PIP5K1B: variants seen among roughly 807,000 people sequenced by gnomAD.
PIP5K1B encodes phosphatidylinositol 4-phosphate 5-kinase type-1 beta.
In PIP5K1B, 42 loss-of-function variants were observed where a neutral mutation model predicts 67.0. The observed-to-expected ratio is 0.63, with a 90% CI of 0.49 to 0.81. The LOEUF is 0.81. Among genes scored for constraint, PIP5K1B ranks in the 30% least tolerant of loss-of-function variants. The probability of loss-of-function intolerance (pLI) is 0.00; values close to 1 mark genes in which losing one functional copy is unlikely to be tolerated. For missense variants in PIP5K1B, 459 were observed against 646.3 expected (o/e 0.71, Z 3.14); for synonymous variants, 214 against 231.4 (o/e 0.92, Z 0.68).
At position 68,894,522 on chromosome 9, in the gene PIP5K1B, G is replaced by C. The variant is rs144243008; in HGVS notation, c.655G>C (p.Glu219Gln). The stretch of plus-strand genomic sequence containing the variant: ...GCGAAGAGCATCCCGTAAAGAGAGA[G>C]AGAAATCCAACCCCACATTTAAGGA... ...YKRRASRKER[E>Q]KSNPTFKDLD... The change falls in exon 8 of 16, where the codon GAG becomes CAG. Residue 219 changes from glutamate to glutamine, a missense_variant. By Grantham distance (29) the Glu-to-Gln change is conservative. Coordinates refer to ENST00000265382, the MANE Select transcript of PIP5K1B (RefSeq NM_003558.4). 259 of 1,614,148 alleles carry C rather than the reference G, an allele frequency of 1.6e-4. No homozygotes were observed. In the African/African-American group the frequency reaches 3.0e-3, roughly 18 times the overall value.
chr9:68,931,365 T>C (rs961559510), intron 12 of PIP5K1B, among the ~76,000 whole-genome samples: 2 of 152,214 alleles, frequency 1.3e-5, no homozygotes, highest in Non-Finnish European at 2.9e-5. Flanking sequence ...CTATTATGTA[T>C]CTAGCACTAC....
At position 68,945,365 on chromosome 9, in the gene PIP5K1B, C is replaced by T. The variant is rs147403727; in HGVS notation, c.1502+4575C>T. Among the ~76,000 whole-genome samples, 29 of 152,150 alleles carry T rather than the reference C, an allele frequency of 1.9e-4. 2 individuals are homozygous for T. Among genetic ancestry groups the T allele is most frequent in the Admixed American group, 8.5e-4 (13 of 15,294 alleles). On this transcript the variant is annotated intron_variant, in intron 14 of 15. Coordinates refer to ENST00000265382, the MANE Select transcript of PIP5K1B (RefSeq NM_003558.4). ...TTCACCATGTTGGCCAGGCTGGTCT[C>T]GAACTCCTGACCTCAAGTGATCCAC...
intron 14 of PIP5K1B, among the ~76,000 whole-genome samples, chr9:68,946,650 T>A (rs1256689090): frequency 2.0e-5 from 3 of 152,118 alleles, no homozygotes; most frequent in African/African-American, 7.2e-5. Context: ...CGCCTCAGCC[T>A]CCAAAAGTGC....
chr9:68,734,994 T>C (rs1828653375), intron 1 of PIP5K1B, among the ~76,000 whole-genome samples: 1 of 152,234 alleles, frequency 6.6e-6, no homozygotes, highest in Non-Finnish European at 1.5e-5. Flanking sequence ...TTTTGTCACT[T>C]TTCAGAATAC....
intron 8 of PIP5K1B, among the ~76,000 whole-genome samples, chr9:68,908,073 C>T (rs1825699618): frequency 6.6e-6 from 1 of 152,148 alleles, no homozygotes; most frequent in South Asian, 2.1e-4. Flanking sequence ...GTGCTTGGAC[C>T]AAGTGTGGCC....
At chr9:68,878,390 G>A (rs1007805259) in intron 6 of PIP5K1B, among the ~76,000 whole-genome samples, 4 of 152,028 alleles carry the variant, frequency 2.6e-5, no homozygotes, top group Non-Finnish European at 5.9e-5. Context: ...GCTTTCTTTG[G>A]GGAAGATCCT....
At chr9:68,743,391 T>C (rs933573213) in intron 2 of PIP5K1B, among the ~76,000 whole-genome samples, 3 of 151,976 alleles carry the variant, frequency 2.0e-5, no homozygotes, top group Non-Finnish European at 4.4e-5. Flanking sequence ...CAGTATAAAG[T>C]TGGGGTTTCG....
chr9:68,971,002 ATTTAT>A (rs1829336363), intron 14 of PIP5K1B, among the ~76,000 whole-genome samples: 1 of 151,882 alleles, frequency 6.6e-6, no homozygotes, highest in Non-Finnish European at 1.5e-5. Flanking sequence ...TTATTTATTG[ATTTAT>A]TTATTTTATT....
chr9:68,880,001 G>A (rs1272752299), intron 6 of PIP5K1B, among the ~76,000 whole-genome samples: 1 of 152,130 alleles, frequency 6.6e-6, no homozygotes, highest in Non-Finnish European at 1.5e-5. Context: ...GAAGGATTGT[G>A]TACTCTAAAC....
chr9:68,718,898 A>G (rs1030215085), intron 1 of PIP5K1B, among the ~76,000 whole-genome samples: 3 of 152,016 alleles, frequency 2.0e-5, no homozygotes, highest in Admixed American at 6.6e-5. Flanking sequence ...ATTGTTGGCT[A>G]TTGAAAGTCC....
intron 14 of PIP5K1B, among the ~76,000 whole-genome samples, chr9:68,958,686 C>A (rs1828542700): frequency 6.6e-6 from 1 of 152,154 alleles, no homozygotes; most frequent in Non-Finnish European, 1.5e-5. Context: ...ATTAGATGGG[C>A]TCTGTGGAAT....
intron 12 of PIP5K1B, among the ~76,000 whole-genome samples, chr9:68,931,772 G>T (rs1161160029): frequency 2.0e-5 from 3 of 152,186 alleles, no homozygotes; most frequent in African/African-American, 7.2e-5. Flanking sequence ...AGAATGCAAG[G>T]CTAGAAATGG....
At chr9:68,812,083 A>G (rs562384958) in intron 2 of PIP5K1B, among the ~76,000 whole-genome samples, 1 of 152,360 alleles carries the variant, frequency 6.6e-6, no homozygotes, top group African/African-American at 2.4e-5. Flanking sequence ...TGCTAGGTTC[A>G]TTCACCAACT....
intron 12 of PIP5K1B, among the ~76,000 whole-genome samples, chr9:68,925,030 A>C (rs7035760): frequency 0.033 from 4,956 of 152,248 alleles, 113 homozygotes; most frequent in African/African-American, 0.069. Flanking sequence ...TAACATGAAT[A>C]GTTTATAATG....
At chr9:68,862,903 A>G (rs1043312132) in intron 4 of PIP5K1B, among the ~76,000 whole-genome samples, 1 of 151,796 alleles carries the variant, frequency 6.6e-6, no homozygotes, top group Non-Finnish European at 1.5e-5. Flanking sequence ...TCCAGAATAG[A>G]CAGGTGTTCT....
At chr9:68,871,719 C>G (rs1004496848) in intron 5 of PIP5K1B, among the ~76,000 whole-genome samples, 2 of 152,260 alleles carry the variant, frequency 1.3e-5, no homozygotes, top group Non-Finnish European at 2.9e-5. Context: ...GTAACGTGTG[C>G]TTGCTTAATT....
rs189074946 is a variant in PIP5K1B, at chr9:69,006,959, C to T, written c.1621-1488C>T. The stretch of plus-strand genomic sequence containing the variant: ...CTGAGGCTGAATGAAATCCACCAGT[C>T]CACCTTAAAGACAGCTATCCTGGGA... On this transcript the variant is annotated intron_variant, in intron 15 of 15. Coordinates refer to ENST00000265382, the MANE Select transcript of PIP5K1B (RefSeq NM_003558.4). Among the ~76,000 whole-genome samples the T allele has an allele frequency of 3.9e-4, 59 of 152,292 alleles. No individual in the cohort carries two copies. In the East Asian group the frequency reaches 0.011, roughly 28 times the overall value.
chr9:68,793,129 A>ATGTGTATACAC (rs6151015), intron 2 of PIP5K1B, among the ~76,000 whole-genome samples: 4 of 151,978 alleles, frequency 2.6e-5, no homozygotes, highest in South Asian at 2.1e-4. Flanking sequence ...CATATAGTGT[A>ATGTGTATACAC]AGGAACAGGA....
At chr9:68,819,116 T>A (rs767739737) in intron 3 of PIP5K1B, among the ~76,000 whole-genome samples, 14 of 152,208 alleles carry the variant, frequency 9.2e-5, no homozygotes, top group Non-Finnish European at 1.9e-4. Context: ...ACATTTACAA[T>A]GTTATGCAAC....
Sources: gnomAD v4.1 joint callset for allele counts (sites outside exome capture counted in the v4.1 genomes callset) on GRCh38, gnomAD v4.1.1 for gene constraint, MANE v1.5 for transcripts, NCBI Gene and HGNC (gene_info 2026-07-23, HGNC 2026-07-21) for gene names.